GOLGA4: variants seen among roughly 807,000 people sequenced by gnomAD.
The protein encoded by GOLGA4 is golgin A4.
A neutral mutation model predicts 265.9 loss-of-function variants in GOLGA4; 169 were observed. That is an observed-to-expected ratio of 0.64 (90% confidence interval 0.56 to 0.72). The LOEUF (loss-of-function observed/expected upper bound fraction) is 0.72, where lower values mean the gene tolerates loss of function less well. GOLGA4 is among the 30% of genes least tolerant of loss of function. GOLGA4 has a pLI of 0.00. For synonymous variants in GOLGA4, 923 were observed against 855.8 expected (o/e 1.08, Z -1.37); for missense variants, 2,482 against 2,483.4 (o/e 1.00, Z 0.01).
chr3:37,252,066 A>G (rs1290240890), intron 2 of GOLGA4, among the ~76,000 whole-genome samples: 1 of 152,246 alleles, frequency 6.6e-6, no homozygotes, highest in Non-Finnish European at 1.5e-5. Flanking sequence ...TGGTGAGTGG[A>G]AACTGAGAAG....
chr3:37,345,025 G>A (rs957951855), intron 20 of GOLGA4, among the ~76,000 whole-genome samples: 1 of 151,928 alleles, frequency 6.6e-6, no homozygotes, highest in Non-Finnish European at 1.5e-5. Context: ...GACTAACCTG[G>A]ACAATGTAGT....
At chr3:37,291,299 C>T (rs944283038) in intron 5 of GOLGA4, among the ~76,000 whole-genome samples, 3 of 152,044 alleles carry the variant, frequency 2.0e-5, no homozygotes, top group Admixed American at 6.6e-5. Flanking sequence ...ATGCTCAGCC[C>T]TTCTCCACTA....
At chr3:37,353,339 A>C (rs1212825688) in intron 21 of GOLGA4, among the ~76,000 whole-genome samples, 1 of 152,132 alleles carries the variant, frequency 6.6e-6, no homozygotes, top group East Asian at 1.9e-4. Context: ...TCTGCAAAAT[A>C]AAAACAAAGC....
intron 3 of GOLGA4, among the ~76,000 whole-genome samples, chr3:37,284,104 C>T (rs1268356304): frequency 1.7e-4 from 26 of 152,050 alleles, no homozygotes; most frequent in Admixed American, 1.6e-3. Context: ...ATTGTTAGTA[C>T]CTAGGATGAA....
At chr3:37,244,015 T>G in intron 1 of GOLGA4, 1 of 198,702 alleles carries the variant, frequency 5.0e-6, no homozygotes, top group Non-Finnish European at 1.0e-5. Flanking sequence ...TTGTGATATC[T>G]GACCTCTGCT....
At chr3:37,274,539 C>T (rs1355389936) in intron 2 of GOLGA4, among the ~76,000 whole-genome samples, 1 of 151,770 alleles carries the variant, frequency 6.6e-6, no homozygotes, top group Non-Finnish European at 1.5e-5. Flanking sequence ...TAAAAAAATA[C>T]AAAAATTAGC....
intron 3 of GOLGA4, among the ~76,000 whole-genome samples, chr3:37,285,500 A>G (rs2096845984): frequency 6.6e-6 from 1 of 152,248 alleles, no homozygotes; most frequent in Non-Finnish European, 1.5e-5. Flanking sequence ...CACAGACCCT[A>G]TAACCAGAAG....
At chr3:37,316,668 G>C (rs1451707794) in intron 11 of GOLGA4, among the ~76,000 whole-genome samples, 1 of 152,076 alleles carries the variant, frequency 6.6e-6, no homozygotes, top group African/African-American at 2.4e-5. Context: ...TGATAATATA[G>C]ACATATGGTA....
At chr3:37,335,024 C>CT (rs2097005325) in intron 16 of GOLGA4, 29 bp from the exon 17 acceptor site, 2 of 1,356,558 alleles carry the variant, frequency 1.5e-6, no homozygotes, top group Non-Finnish European at 2.0e-6. Flanking sequence ...TTTTCTTTTC[C>CT]TTTTTTTCTT....
intron 2 of GOLGA4, among the ~76,000 whole-genome samples, chr3:37,275,513 A>G (rs944681059): frequency 6.6e-6 from 1 of 151,980 alleles, no homozygotes; most frequent in Non-Finnish European, 1.5e-5. Flanking sequence ...GAACATATCC[A>G]GTGATCTTTA....
intron 22 of GOLGA4, among the ~76,000 whole-genome samples, chr3:37,356,092 A>C (rs2097090222): frequency 6.6e-6 from 1 of 152,134 alleles, no homozygotes; most frequent in Admixed American, 6.6e-5. Flanking sequence ...TTGTTTTCTT[A>C]CAAAAGTTCT....
At position 37,257,894 on chromosome 3, in the gene GOLGA4, CATATAT is replaced by C. The variant is rs373437728; in HGVS notation, c.162+6425_162+6430del. On this transcript the variant is annotated intron_variant, in intron 2 of 23. Coordinates refer to ENST00000361924, the MANE Select transcript of GOLGA4 (RefSeq NM_002078.5). Reference sequence around the variant, plus strand: ...AATTAGGTGTGTTTTCATATATATACATATATATATATATATATATGTATGTATATA... The same window carrying C: ...AATTAGGTGTGTTTTCATATATATACATATATATATATATGTATGTATATA... Among the ~76,000 whole-genome samples, 41 of 104,902 alleles carry C rather than the reference CATATAT, an allele frequency of 3.9e-4. 2 individuals are homozygous for C. The highest frequency in any genetic ancestry group is 1.6e-3 in the South Asian group (6 of 3,710). The allele number at this position is 104,902 out of a possible 152,430, so 68.8% of individuals were successfully genotyped here. A position where few individuals can be genotyped will look rare whatever the true frequency, so the allele number is the denominator to read the frequency against.
At chr3:37,316,475 C>T (rs1318249428) in intron 11 of GOLGA4, among the ~76,000 whole-genome samples, 3 of 152,034 alleles carry the variant, frequency 2.0e-5, no homozygotes, top group African/African-American at 7.2e-5. Flanking sequence ...CTTTCATTTT[C>T]TTCTTCCTGC....
At chr3:37,292,837 T>C (rs149781269) in intron 5 of GOLGA4, among the ~76,000 whole-genome samples, 3 of 152,310 alleles carry the variant, frequency 2.0e-5, no homozygotes, top group Admixed American at 1.3e-4. Flanking sequence ...GAAAACATTA[T>C]TTAGGGCATG....
intron 2 of GOLGA4, chr3:37,273,451 C>T: frequency 1.4e-6 from 1 of 724,844 alleles, no homozygotes; most frequent in Admixed American, 2.2e-5. Context: ...TCTGATAGGT[C>T]TTGGCACATG....
At chr3:37,304,122 G>A (rs887580256) in intron 10 of GOLGA4, among the ~76,000 whole-genome samples, 1 of 152,184 alleles carries the variant, frequency 6.6e-6, no homozygotes, top group African/African-American at 2.4e-5. Flanking sequence ...CATAGGAATT[G>A]TGGATAGTTT....
chr3:37,268,939 T>C (rs13319367), intron 2 of GOLGA4, among the ~76,000 whole-genome samples: 2,292 of 152,296 alleles, frequency 0.015, 53 homozygotes, highest in African/African-American at 0.052. Flanking sequence ...AATAAAAATT[T>C]AGTGAGGGTC....
In GOLGA4 at chr3:37,266,269, G is replaced by A. The variant is rs189016636; in HGVS notation, c.162+14785G>A. Among the ~76,000 whole-genome samples the A allele has an allele frequency of 3.9e-5, 6 of 151,970 alleles. No individual in the cohort carries two copies. The East Asian group carries it at 1.2e-3, about 30-fold the overall frequency. Reference sequence around the variant, plus strand: ...GGCTGGAGTGCAATGGCACGATCTCGGCTCACTGCAACCTCCGCCTCCCAG... The same window carrying A: ...GGCTGGAGTGCAATGGCACGATCTCAGCTCACTGCAACCTCCGCCTCCCAG... On this transcript the variant is annotated intron_variant, in intron 2 of 23. Transcript: ENST00000361924.
intron 2 of GOLGA4, among the ~76,000 whole-genome samples, chr3:37,275,458 T>C (rs1056115132): frequency 2.0e-5 from 3 of 151,918 alleles, no homozygotes; most frequent in Non-Finnish European, 4.4e-5. Flanking sequence ...TGCCATGAAG[T>C]AGGGGTAAAA....
Sources: allele counts gnomAD v4.1 joint callset (sites outside exome capture counted in the v4.1 genomes callset), GRCh38; gene constraint gnomAD v4.1.1; transcripts MANE v1.5; gene names NCBI Gene and HGNC (gene_info 2026-07-23, HGNC 2026-07-21).